FGD5: variants seen among roughly 807,000 people sequenced by gnomAD.
The protein encoded by FGD5 is FYVE, RhoGEF and PH domain-containing protein 5.
A neutral mutation model predicts 133.4 loss-of-function variants in FGD5; 28 were observed. That is an observed-to-expected ratio of 0.21 (90% confidence interval 0.16 to 0.29). The LOEUF is 0.29. Ranked by LOEUF, FGD5 falls within the 10% of genes least tolerant of loss-of-function variation. The pLI, the probability that FGD5 is intolerant of heterozygous loss-of-function variation, is 1.00. For missense variants in FGD5, 1,858 were observed against 1,895.2 expected, an observed-to-expected ratio of 0.98 and a Z score of 0.36; for synonymous variants, 810 against 776.5, an observed-to-expected ratio of 1.04 and a Z score of -0.72.
chr3:14,850,367 A>G (rs1207279644), intron 1 of FGD5, among the ~76,000 whole-genome samples: 4 of 152,138 alleles, frequency 2.6e-5, no homozygotes, highest in African/African-American at 9.7e-5. Context: ...CCATATTCCT[A>G]GTGATTTAAA....
Position 14,923,181 on chromosome 3 carries a change from C to T in FGD5, c.3937+6C>T. The T allele has an allele frequency of 6.2e-7, 1 of 1,610,636 alleles. No individual in the cohort carries two copies. Among genetic ancestry groups the T allele is most frequent in the East Asian group, 2.2e-5 (1 of 44,782 alleles). On this transcript the variant is annotated splice_donor_region_variant and intron_variant, in intron 16 of 19. Coordinates refer to ENST00000285046, the MANE Select transcript of FGD5 (RefSeq NM_152536.4). The stretch of plus-strand genomic sequence containing the variant: ...TGTCCCGGGCCTGATGAGAGGTAAC[C>T]TGGGGACCACTTGCCTTCTTCCAAG...
chr3:14,877,292 A>G (rs2037738494), intron 2 of FGD5, among the ~76,000 whole-genome samples: 1 of 152,202 alleles, frequency 6.6e-6, no homozygotes, highest in African/African-American at 2.4e-5. Flanking sequence ...CACATCCATC[A>G]TCGCAGAGTC....
At chr3:14,875,345 G>A (rs1009652407) in intron 2 of FGD5, among the ~76,000 whole-genome samples, 3 of 152,196 alleles carry the variant, frequency 2.0e-5, no homozygotes, top group Non-Finnish European at 2.9e-5. Flanking sequence ...TGGCTGAAGA[G>A]GCTGGCGCAT....
intron 1 of FGD5, among the ~76,000 whole-genome samples, chr3:14,812,795 A>G (rs749622568): frequency 2.0e-5 from 3 of 152,242 alleles, no homozygotes; most frequent in Admixed American, 6.5e-5. Flanking sequence ...GGTAAGATTA[A>G]ATAGACTAAA....
chr3:14,932,389 G>A (rs565581016), intron 18 of FGD5, 188 bp from the exon 19 acceptor site: 86 of 605,924 alleles, frequency 1.4e-4, no homozygotes, highest in African/African-American at 2.5e-4. Context: ...AGCCAGTGTC[G>A]TTTCTTTCCT....
chr3:14,890,116 C>T (rs919299584), intron 4 of FGD5, among the ~76,000 whole-genome samples: 13 of 152,148 alleles, frequency 8.5e-5, no homozygotes, highest in East Asian at 3.9e-4. Context: ...CCACACACTC[C>T]GCCTGAACCG....
At chr3:14,859,229 C>T (rs1200148968) in intron 1 of FGD5, among the ~76,000 whole-genome samples, 1 of 152,126 alleles carries the variant, frequency 6.6e-6, no homozygotes. Flanking sequence ...ACATATCCAT[C>T]GCCTTATCAT....
Position 14,856,003 on chromosome 3 carries a change from G to A in FGD5, c.2526-8125G>A, listed in dbSNP as rs140225509. ...TATGTTTTCTTCTACTAGTTTTATA[G>A]TTTTGGGTCTTACATTTAGGTCTTT... On this transcript the variant is annotated intron_variant, in intron 1 of 19. Coordinates refer to ENST00000285046, the MANE Select transcript of FGD5 (RefSeq NM_152536.4). Among the ~76,000 whole-genome samples the A allele has an allele frequency of 7.1e-3, 1,084 of 152,134 alleles. 9 individuals carry two copies. The highest frequency in any genetic ancestry group is 0.025 in the African/African-American group (1,027 of 41,504).
chr3:14,873,868 C>T (rs1188869136), intron 2 of FGD5, among the ~76,000 whole-genome samples: 1 of 151,992 alleles, frequency 6.6e-6, no homozygotes, highest in Non-Finnish European at 1.5e-5. Flanking sequence ...ACTACAGGCT[C>T]ACGCCACCAT....
chr3:14,913,691 C>T (rs984195757), intron 11 of FGD5, among the ~76,000 whole-genome samples: 5 of 152,336 alleles, frequency 3.3e-5, no homozygotes, highest in East Asian at 3.9e-4. Context: ...CTCTGCACCT[C>T]TCCCAGGGAC....
chr3:14,819,008 G>A lies in FGD5; in HGVS notation c.-64G>A, dbSNP rs143571502. Reference sequence around the variant, plus strand: ...AGCCAAAGACTACCAGTCCACTGACGCCAGTGACCGCGCCCAAATTCCCTT... The same window carrying A: ...AGCCAAAGACTACCAGTCCACTGACACCAGTGACCGCGCCCAAATTCCCTT... On this transcript the variant is annotated 5_prime_UTR_variant, in exon 1 of 20. Coordinates refer to ENST00000285046, the MANE Select transcript of FGD5 (RefSeq NM_152536.4). The surrounding 1 kb of genome is among the most constrained non-coding windows in gnomAD (Gnocchi z 4.1). 1.8e-3 allele frequency: 2,624 copies of A among 1,478,394 alleles called. 3 individuals are homozygous for A. Among genetic ancestry groups the A allele is most frequent in the African/African-American group, 8.8e-3 (618 of 70,444 alleles). The allele number at this position is 1,478,394 out of a possible 1,614,324, so 91.6% of individuals were successfully genotyped here.
At chr3:14,911,371 T>C (rs2038445368) in intron 11 of FGD5, among the ~76,000 whole-genome samples, 1 of 152,128 alleles carries the variant, frequency 6.6e-6, no homozygotes, top group Admixed American at 6.5e-5. Flanking sequence ...ACTGGAGTCT[T>C]CCATACCAGG....
chr3:14,896,014 A>G lies in FGD5; in HGVS notation c.2749-1495A>G, dbSNP rs189435766. 5.3e-5 allele frequency among the ~76,000 whole-genome samples: 8 copies of G among 152,358 alleles called. No individual in the cohort carries two copies. The East Asian group carries it at 1.5e-3, about 29-fold the overall frequency. On this transcript the variant is annotated intron_variant, in intron 4 of 19. Transcript: ENST00000285046. ...AGTGAACAATCTAAAAAAGAAATCAAGAAAGCAATCCCATTTATCATAGCT... is the reference window on the plus strand; with the variant it reads ...AGTGAACAATCTAAAAAAGAAATCAGGAAAGCAATCCCATTTATCATAGCT...
In FGD5 at chr3:14,820,574, C is replaced by T. The variant is rs114002769; in HGVS notation, c.1503C>T (p.Thr501=). 68 of 1,610,912 alleles carry T rather than the reference C, an allele frequency of 4.2e-5. No individual in the cohort carries two copies. In the African/African-American group the frequency reaches 7.3e-4, roughly 17 times the overall value. Residue 501 remains threonine, a synonymous_variant, in exon 1 of 20, where the codon ACC becomes ACT. Transcript: ENST00000285046. ...GYVPETVPEE[T]GPEAGSSAPG... ...TCCCAGAAACCGTCCCTGAAGAAACCGGACCTGAGGCGGGCTCGTCAGCCC... is the reference window on the plus strand; with the variant it reads ...TCCCAGAAACCGTCCCTGAAGAAACTGGACCTGAGGCGGGCTCGTCAGCCC...
chr3:14,854,334 A>G lies in FGD5; in HGVS notation c.2526-9794A>G, dbSNP rs2037228537. On this transcript the variant is annotated intron_variant, in intron 1 of 19. Coordinates refer to ENST00000285046, the MANE Select transcript of FGD5 (RefSeq NM_152536.4). ...ACCACATGCCCAGAATTTCCTGGAA[A>G]GATCCCATTCAGGGTACAACAGACC... 2.0e-5 allele frequency among the ~76,000 whole-genome samples: 3 copies of G among 152,250 alleles called. No homozygotes were observed. The South Asian group carries it at 6.2e-4, about 32-fold the overall frequency.
chr3:14,922,307 A>G lies in FGD5; in HGVS notation c.3670-104A>G, dbSNP rs547514526. 2.7e-6 allele frequency: 4 copies of G among 1,486,712 alleles called. No homozygotes were observed. The highest frequency in any genetic ancestry group is 2.8e-5 in the African/African-American group (2 of 72,062). 92.1% of individuals were successfully genotyped at this position (1,486,712 alleles called of 1,614,324 possible). A position where few individuals can be genotyped will look rare whatever the true frequency, so the allele number is the denominator to read the frequency against. On this transcript the variant is annotated intron_variant, in intron 14 of 19. Coordinates refer to ENST00000285046, the MANE Select transcript of FGD5 (RefSeq NM_152536.4). This position sits in a 1 kb window ranked among gnomAD's most constrained non-coding sequence, Gnocchi z 4.1. ...TCACATCAGACCCACTCACCCACACATCACACACCCTGCACAGAGACGCAG... is the reference window on the plus strand; with the variant it reads ...TCACATCAGACCCACTCACCCACACGTCACACACCCTGCACAGAGACGCAG...
At chr3:14,909,761 C>CTTTTTTTTTT (rs201883392) in intron 10 of FGD5, among the ~76,000 whole-genome samples, 8 of 137,488 alleles carry the variant, frequency 5.8e-5, no homozygotes, top group African/African-American at 5.3e-5. Flanking sequence ...CTTTTCTTTT[C>CTTTTTTTTTT]TTTTTTTTTT....
intron 2 of FGD5, among the ~76,000 whole-genome samples, chr3:14,865,404 A>G (rs1426507205): frequency 6.6e-6 from 1 of 152,212 alleles, no homozygotes; most frequent in East Asian, 1.9e-4. Flanking sequence ...TTAAAAGTCC[A>G]TTGATCTCTC....
intron 11 of FGD5, among the ~76,000 whole-genome samples, chr3:14,916,103 C>T (rs1299154727): frequency 6.6e-6 from 1 of 152,188 alleles, no homozygotes; most frequent in Non-Finnish European, 1.5e-5. Context: ...TGGGCTTATT[C>T]TGGTTCATTT....
Sources: gnomAD v4.1 joint callset for allele counts (sites outside exome capture counted in the v4.1 genomes callset) on GRCh38, gnomAD v4.1.1 for gene constraint, Gnocchi (gnomAD v3.1) non-coding constraint, MANE v1.5 for transcripts, NCBI Gene and HGNC (gene_info 2026-07-23, HGNC 2026-07-21) for gene names.